Variants in SMAD3 observed in about 807,000 individuals in gnomAD.
SMAD3 encodes SMAD family member 3.
SMAD3 carries 12 observed loss-of-function variants against 51.8 expected under a neutral mutation model. The observed-to-expected ratio is 0.23, with a 90% CI of 0.15 to 0.38. SMAD3 has a LOEUF of 0.38. Among genes scored for constraint, SMAD3 ranks in the 10% least tolerant of loss-of-function variants. SMAD3 has a pLI of 1.00. For missense variants in SMAD3, 294 were observed against 565.6 expected (o/e 0.52, Z 4.87); for synonymous variants, 238 against 227.7 (o/e 1.05, Z -0.41).
chr15:67,097,684 G>A (rs952403790), intron 1 of SMAD3, among the ~76,000 whole-genome samples: 10 of 152,160 alleles, frequency 6.6e-5, no homozygotes, highest in African/African-American at 2.4e-4. Flanking sequence ...AGAGCAGGGG[G>A]AGGAGTAATC....
At chr15:67,097,831 C>G (rs1960648393) in intron 1 of SMAD3, among the ~76,000 whole-genome samples, 1 of 152,172 alleles carries the variant, frequency 6.6e-6, no homozygotes, top group South Asian at 2.1e-4. Context: ...CCTTCAAGGT[C>G]TAACTTCCAA....
At chr15:67,181,870 C>T (rs1284196953) in intron 6 of SMAD3, among the ~76,000 whole-genome samples, 1 of 151,112 alleles carries the variant, frequency 6.6e-6, no homozygotes, top group Non-Finnish European at 1.5e-5. Context: ...ACTGCAACCT[C>T]TGCCTCCTGG....
intron 1 of SMAD3, among the ~76,000 whole-genome samples, chr15:67,150,173 G>GCGTGAATGTCACTGAGT (rs1423050196): frequency 2.6e-4 from 39 of 152,318 alleles, no homozygotes; most frequent in African/African-American, 9.4e-4. Context: ...CTGCCTCTCC[G>GCGTGAATGTCACTGAGT]CGTGAATGTC....
chr15:67,090,323 C>T (rs191371052), intron 1 of SMAD3, among the ~76,000 whole-genome samples: 1 of 152,272 alleles, frequency 6.6e-6, no homozygotes, highest in Admixed American at 6.5e-5. Flanking sequence ...ATGAGACAGG[C>T]ATTTCACCTC....
chr15:67,105,248 C>T (rs951705071), intron 1 of SMAD3, among the ~76,000 whole-genome samples: 2 of 152,190 alleles, frequency 1.3e-5, no homozygotes, highest in Admixed American at 6.5e-5. Flanking sequence ...AAAGTTCTTG[C>T]CCTCTGTGTC....
At chr15:67,108,119 C>T (rs2164933) in intron 1 of SMAD3, among the ~76,000 whole-genome samples, 148,720 of 152,298 alleles carry the variant, frequency 0.98, 72,706 homozygotes, top group East Asian at 1. Context: ...GTCTGCACAG[C>T]GTCCTCCATC....
chr15:67,108,026 T>A (rs1960920685), intron 1 of SMAD3, among the ~76,000 whole-genome samples: 1 of 128,684 alleles, frequency 7.8e-6, no homozygotes, highest in African/African-American at 2.9e-5. Flanking sequence ...AAAGGACAGA[T>A]CTTGCTTCAG....
In SMAD3 at chr15:67,179,958, C is replaced by T. The variant is rs1008832889; in HGVS notation, c.659-1283C>T. ...GACAGTCAGGATGCTCACAGAGAGG[C>T]ACACCCTTAGTAACTGCGTCGCTTC... On this transcript the variant is annotated intron_variant, in intron 5 of 8. Transcript: ENST00000327367. 8.5e-5 allele frequency among the ~76,000 whole-genome samples: 13 copies of T among 152,278 alleles called. No individual in the cohort carries two copies. The East Asian group carries it at 2.3e-3, about 27-fold the overall frequency.
intron 1 of SMAD3, among the ~76,000 whole-genome samples, chr15:67,150,413 G>A (rs187876996): frequency 6.6e-5 from 10 of 152,288 alleles, no homozygotes; most frequent in African/African-American, 1.4e-4. Context: ...GAACAAGGCC[G>A]CCAGTTATCA....
chr15:67,161,302 C>T (rs1962425384), intron 1 of SMAD3, among the ~76,000 whole-genome samples: 1 of 152,144 alleles, frequency 6.6e-6, no homozygotes. Context: ...GTGCCATTAC[C>T]ATACTGCCTT....
intron 1 of SMAD3, among the ~76,000 whole-genome samples, chr15:67,120,894 T>C (rs1961244422): frequency 4.6e-5 from 7 of 152,102 alleles, no homozygotes; most frequent in Admixed American, 3.9e-4. Flanking sequence ...TCAGCTATCG[T>C]TAGTTAGCGT....
In SMAD3 at chr15:67,065,645, G is replaced by C. The variant is rs1180233004; in HGVS notation, c.-510G>C. On this transcript the variant is annotated 5_prime_UTR_variant, in exon 1 of 9. Coordinates refer to ENST00000327367, the MANE Select transcript of SMAD3 (RefSeq NM_005902.4). Reference sequence around the variant, plus strand: ...GGGCGGGAGCGGGAGCGCGGCGCACGCCCCGGGCCGGCCCAGCCAGCGAGC... The same window carrying C: ...GGGCGGGAGCGGGAGCGCGGCGCACCCCCCGGGCCGGCCCAGCCAGCGAGC... 6.6e-6 allele frequency among the ~76,000 whole-genome samples: 1 copy of C among 151,432 alleles called. No homozygotes were observed. Among genetic ancestry groups the C allele is most frequent in the Non-Finnish European group, 1.5e-5 (1 of 67,768 alleles).
Position 67,065,705 on chromosome 15 carries a change from G to A in SMAD3, c.-450G>A, listed in dbSNP as rs1333563162. On this transcript the variant is annotated 5_prime_UTR_variant, in exon 1 of 9. Coordinates refer to ENST00000327367, the MANE Select transcript of SMAD3 (RefSeq NM_005902.4). ...GCGAGCCGGGAGGAGGAGGGTGGCG[G>A]GGCGGTGAGGCCGCAGAGGCGGAGG... 19 of 199,460 alleles carry A rather than the reference G, an allele frequency of 9.5e-5. No individual in the cohort carries two copies. The East Asian group carries it at 1.3e-3, about 14-fold the overall frequency. The allele number at this position is 199,460 out of a possible 1,614,324, so 12.4% of individuals were successfully genotyped here.
intron 1 of SMAD3, among the ~76,000 whole-genome samples, chr15:67,120,780 G>A (rs1961240789): frequency 6.6e-6 from 1 of 152,188 alleles, no homozygotes; most frequent in South Asian, 2.1e-4. Flanking sequence ...TCTGGCCCGT[G>A]GGCCGCATGT....
intron 1 of SMAD3, among the ~76,000 whole-genome samples, chr15:67,119,701 A>G: frequency 6.6e-6 from 1 of 152,256 alleles, no homozygotes; most frequent in Admixed American, 6.5e-5. Context: ...AGAATTGCCC[A>G]AGAGAGCTTC....
At chr15:67,091,519 A>G (rs1367633447) in intron 1 of SMAD3, among the ~76,000 whole-genome samples, 3 of 152,230 alleles carry the variant, frequency 2.0e-5, no homozygotes, top group Admixed American at 2.0e-4. Flanking sequence ...GGTTTCTCCA[A>G]AATAAGGTGT....
chr15:67,166,005 T>G (rs1962578081), intron 3 of SMAD3: 1 of 186,102 alleles, frequency 5.4e-6, no homozygotes, highest in African/African-American at 2.4e-5. Context: ...CTAGTCACTT[T>G]TGCTTGCTGG....
intron 5 of SMAD3, among the ~76,000 whole-genome samples, chr15:67,175,943 A>T (rs1237515244): frequency 6.6e-6 from 1 of 152,224 alleles, no homozygotes; most frequent in Non-Finnish European, 1.5e-5. Context: ...GTGAAATCAC[A>T]GGCAGGCAAC....
intron 1 of SMAD3, among the ~76,000 whole-genome samples, chr15:67,120,938 A>T (rs776138221): frequency 5.9e-5 from 9 of 152,186 alleles, no homozygotes; most frequent in Non-Finnish European, 1.2e-4. Context: ...CGACTCTTCC[A>T]TCGTGGCCCA....
Sources: gnomAD v4.1 joint callset for allele counts (sites outside exome capture counted in the v4.1 genomes callset) on GRCh38, gnomAD v4.1.1 for gene constraint, MANE v1.5 for transcripts, NCBI Gene and HGNC (gene_info 2026-07-23, HGNC 2026-07-21) for gene names.